Variants in PRUNE2 observed in about 807,000 individuals in gnomAD.
The protein encoded by PRUNE2 is protein prune homolog 2.
PRUNE2 carries 164 observed loss-of-function variants against 252.0 expected under a neutral mutation model. That is an observed-to-expected ratio of 0.65 (90% CI 0.57 to 0.74). The LOEUF (loss-of-function observed/expected upper bound fraction) is 0.74. Ranked by LOEUF, PRUNE2 falls within the 30% of genes least tolerant of loss-of-function variation. PRUNE2 has a pLI of 0.00. For synonymous variants in PRUNE2, 1,292 were observed against 1,350.2 expected (o/e 0.96, Z 0.94); for missense variants, 3,495 against 3,711.0 (o/e 0.94, Z 1.51).
Position 76,703,861 on chromosome 9 carries a change from T to C in PRUNE2, c.7752A>G (p.Thr2584=). The C allele has an allele frequency of 1.9e-6, 3 of 1,613,982 alleles. No homozygotes were observed. The highest frequency in any genetic ancestry group is 2.5e-6 in the Non-Finnish European group (3 of 1,179,878). ...TTGCTAACTGAGTTCCCTGCAGCCC[T>C]GTTTCTTTGGAACCTACATACAATT... ...ELELYVGSKE[T]GLQGTQLASF... is the part of the protein sequence containing the mutation. The change falls in exon 9 of 19, where the codon ACA becomes ACG. Residue 2584 remains threonine (T), a synonymous_variant. Transcript: ENST00000376718.
At chr9:76,875,452 G>T (rs1001912959) in intron 1 of PRUNE2, among the ~76,000 whole-genome samples, 5 of 151,980 alleles carry the variant, frequency 3.3e-5, no homozygotes, top group Non-Finnish European at 1.5e-5. Flanking sequence ...TGCAACCTCC[G>T]CCTCCCAGGT....
chr9:76,696,833 G>C (rs2045436383), intron 9 of PRUNE2, among the ~76,000 whole-genome samples: 2 of 152,152 alleles, frequency 1.3e-5, no homozygotes, highest in Non-Finnish European at 2.9e-5. Flanking sequence ...TGCCTTTCAG[G>C]GTGGCCTTTT....
chr9:76,620,755 A>T (rs189260230), intron 17 of PRUNE2, among the ~76,000 whole-genome samples: 2 of 152,308 alleles, frequency 1.3e-5, no homozygotes, highest in African/African-American at 2.4e-5. Context: ...GCTAAAAAAA[A>T]CCTAGCAAAG....
intron 9 of PRUNE2, among the ~76,000 whole-genome samples, chr9:76,695,020 C>G (rs1280662736): frequency 6.6e-6 from 1 of 152,104 alleles, no homozygotes; most frequent in Non-Finnish European, 1.5e-5. Context: ...AAACCATGTT[C>G]CTCTCTAATA....
intron 15 of PRUNE2, among the ~76,000 whole-genome samples, chr9:76,634,726 T>C (rs764041260): frequency 6.6e-6 from 1 of 152,356 alleles, no homozygotes. Context: ...TTTTTTGCTC[T>C]AATAAACTGA....
In PRUNE2 at chr9:76,703,341, T is replaced by C; in HGVS notation, c.8272A>G (p.Asn2758Asp). The C allele has an allele frequency of 1.3e-6, 2 of 1,572,938 alleles. No homozygotes were observed. The highest frequency in any genetic ancestry group is 2.3e-5 in the South Asian group (2 of 86,134). The change falls in exon 9 of 19, where the codon AAT becomes GAT. Residue 2758 changes from asparagine to aspartate, a missense_variant. Coordinates refer to ENST00000376718, the MANE Select transcript of PRUNE2 (RefSeq NM_015225.3). ...TAAATCTAGCTTTTTGCTTACCCATTTGGTCTTGATATCCTGGTTCCGAGC... is the reference window on the plus strand; with the variant it reads ...TAAATCTAGCTTTTTGCTTACCCATCTGGTCTTGATATCCTGGTTCCGAGC... ...LELGTRISRP[N>D]GLLSEDVGMD...
chr9:76,662,220 A>G (rs1238297309), intron 9 of PRUNE2, among the ~76,000 whole-genome samples: 1 of 152,226 alleles, frequency 6.6e-6, no homozygotes, highest in Non-Finnish European at 1.5e-5. Context: ...ACTTGATGCT[A>G]TTTATGCTAA....
At chr9:76,849,992 C>T (rs934642914) in intron 3 of PRUNE2, among the ~76,000 whole-genome samples, 1 of 152,158 alleles carries the variant, frequency 6.6e-6, no homozygotes, top group African/African-American at 2.4e-5. Flanking sequence ...TCCCTTTTCT[C>T]TGCATGTCCT....
chr9:76,832,495 A>C (rs2058723008), intron 4 of PRUNE2, among the ~76,000 whole-genome samples: 1 of 152,180 alleles, frequency 6.6e-6, no homozygotes. Context: ...TAAAAGAAGA[A>C]ATCACAATGT....
At position 76,706,019 on chromosome 9, in the gene PRUNE2, C is replaced by T; in HGVS notation, c.6255G>A (p.Glu2085=). 1 of 1,614,022 alleles carries T rather than the reference C, an allele frequency of 6.2e-7. No individual in the cohort carries two copies. The highest frequency in any genetic ancestry group is 1.6e-4 in the Middle Eastern group (1 of 6,062). ...CGCAGTGCGTCAGGATATCAGGATT[C>T]TCACCATCTGCTTTCAAACTGAAGG... ...KKPFSLKADG[E]NPDILTHCEH... is the part of the protein sequence containing the mutation. Residue 2085 remains glutamate (E), a synonymous_variant, in exon 8 of 19, where the codon GAG becomes GAA. Coordinates refer to ENST00000376718, the MANE Select transcript of PRUNE2 (RefSeq NM_015225.3).
chr9:76,872,315 C>T (rs189751828), intron 1 of PRUNE2, among the ~76,000 whole-genome samples: 363 of 152,286 alleles, frequency 2.4e-3, no homozygotes, highest in Non-Finnish European at 4.0e-3. Flanking sequence ...GACAGAGCAA[C>T]GATGCACAAA....
At chr9:76,884,290 T>G (rs1415220927) in intron 1 of PRUNE2, among the ~76,000 whole-genome samples, 1 of 152,176 alleles carries the variant, frequency 6.6e-6, no homozygotes, top group African/African-American at 2.4e-5. Flanking sequence ...GGGGCTCGTT[T>G]AATCTAAAAT....
chr9:76,828,738 G>A (rs574719685), intron 4 of PRUNE2, among the ~76,000 whole-genome samples: 18 of 152,206 alleles, frequency 1.2e-4, no homozygotes, highest in African/African-American at 3.6e-4. Context: ...TTTTCCAGCC[G>A]GGCGCAGCGG....
At chr9:76,686,088 C>G (rs1045047279) in intron 9 of PRUNE2, among the ~76,000 whole-genome samples, 1 of 152,222 alleles carries the variant, frequency 6.6e-6, no homozygotes, top group African/African-American at 2.4e-5. Context: ...AGTAATCATA[C>G]GGCTCTGCCA....
chr9:76,798,452 C>T (rs1046480737), intron 6 of PRUNE2, among the ~76,000 whole-genome samples: 5 of 152,106 alleles, frequency 3.3e-5, no homozygotes, highest in African/African-American at 1.2e-4. Context: ...CATGTTCTAG[C>T]GCGTGTCAGA....
intron 7 of PRUNE2, 93 bp from the exon 8 acceptor site, chr9:76,711,451 T>C: frequency 1.3e-6 from 1 of 778,396 alleles, no homozygotes; most frequent in Non-Finnish European, 2.0e-6. Flanking sequence ...TTTTTAAATA[T>C]AAAATTAATC....
At chr9:76,665,346 T>C (rs934103411) in intron 9 of PRUNE2, among the ~76,000 whole-genome samples, 10 of 152,044 alleles carry the variant, frequency 6.6e-5, no homozygotes, top group African/African-American at 2.4e-4. Flanking sequence ...TCCCACAGAA[T>C]CGGGATCTGG....
At chr9:76,726,632 A>C (rs1344746105) in intron 6 of PRUNE2, among the ~76,000 whole-genome samples, 1 of 152,250 alleles carries the variant, frequency 6.6e-6, no homozygotes, top group Admixed American at 6.5e-5. Flanking sequence ...AAGCTTAGAG[A>C]ATGAAAATTA....
intron 9 of PRUNE2, among the ~76,000 whole-genome samples, chr9:76,670,915 C>A (rs1031981241): frequency 2.6e-5 from 4 of 151,980 alleles, no homozygotes; most frequent in African/African-American, 7.3e-5. Flanking sequence ...TCACCATCAT[C>A]AAAGACCAAA....
Sources: gnomAD v4.1 joint callset for allele counts (sites outside exome capture counted in the v4.1 genomes callset) on GRCh38, gnomAD v4.1.1 for gene constraint, MANE v1.5 for transcripts, NCBI Gene and HGNC (gene_info 2026-07-23, HGNC 2026-07-21) for gene names.